The following TAF2 variants were observed in gnomAD, a reference collection of about 807,000 sequenced individuals.
The protein encoded by TAF2 is transcription initiation factor TFIID subunit 2.
TAF2 carries 61 observed loss-of-function variants against 138.5 expected under a neutral mutation model. That is an observed-to-expected ratio of 0.44 (90% CI 0.36 to 0.54). The LOEUF is 0.54. Among genes scored for constraint, TAF2 ranks in the 20% least tolerant of loss-of-function variants. The pLI is 0.00. For missense variants in TAF2, 1,090 were observed against 1,427.9 expected, an observed-to-expected ratio of 0.76 and a Z score of 3.81; for synonymous variants, 475 against 469.9, an observed-to-expected ratio of 1.01 and a Z score of -0.14.
At chr8:119,796,080 ATTT>A (rs557953047) in intron 8 of TAF2, among the ~76,000 whole-genome samples, 3 of 150,400 alleles carry the variant, frequency 2.0e-5, no homozygotes, top group Non-Finnish European at 3.0e-5. Context: ...TCCTTCATTC[ATTT>A]TTTTTTGCTT....
At chr8:119,791,189 A>G in intron 11 of TAF2, 135 bp downstream of exon 11, 2 of 961,032 alleles carry the variant, frequency 2.1e-6, no homozygotes, top group East Asian at 5.3e-5. Context: ...ATGCAAATAT[A>G]AAGCACAGGT....
intron 20 of TAF2, among the ~76,000 whole-genome samples, chr8:119,759,545 T>C (rs529158951): frequency 3.9e-5 from 6 of 152,138 alleles, no homozygotes; most frequent in Non-Finnish European, 8.8e-5. Flanking sequence ...TATTTCCATG[T>C]TTCTTCTATT....
chr8:119,807,533 C>T (rs893987004), intron 3 of TAF2, among the ~76,000 whole-genome samples: 13 of 152,218 alleles, frequency 8.5e-5, no homozygotes, highest in Non-Finnish European at 1.5e-4. Flanking sequence ...ACCACATCCT[C>T]GTTGTACACC....
chr8:119,795,458 TA>T, intron 9 of TAF2, 73 bp downstream of exon 9: 1 of 1,295,644 alleles, frequency 7.7e-7, no homozygotes. Flanking sequence ...AGCAGTATTT[TA>T]AAAGTATTTT....
Position 119,788,909 on chromosome 8 carries a change from A to T in TAF2, c.1569-5T>A. On this transcript the variant is annotated splice_polypyrimidine_tract_variant and splice_region_variant and intron_variant, in intron 12 of 25. Coordinates refer to ENST00000378164, the MANE Select transcript of TAF2 (RefSeq NM_003184.4). ...TTTACCACTCCACTCTGATCTCTGA[A>T]GAATTGTAAAGGAAAGTTTACATAC... 6.4e-7 allele frequency: 1 copy of T among 1,561,894 alleles called. No homozygotes were observed. Among genetic ancestry groups the T allele is most frequent in the Non-Finnish European group, 8.8e-7 (1 of 1,132,426 alleles).
At chr8:119,744,099 A>C (rs935777246) in intron 24 of TAF2, among the ~76,000 whole-genome samples, 189 bp downstream of exon 24, 16 of 152,250 alleles carry the variant, frequency 1.1e-4, no homozygotes, top group African/African-American at 3.6e-4. Context: ...AAAATAAAAA[A>C]GCCAAAAGAA....
At chr8:119,776,270 T>C (rs1822226082) in intron 18 of TAF2, among the ~76,000 whole-genome samples, 1 of 152,070 alleles carries the variant, frequency 6.6e-6, no homozygotes. Context: ...CTTAAATTAT[T>C]TGAATGTTAA....
At chr8:119,811,953 C>G (rs1825098220) in intron 3 of TAF2, among the ~76,000 whole-genome samples, 1 of 151,850 alleles carries the variant, frequency 6.6e-6, no homozygotes, top group Non-Finnish European at 1.5e-5. Context: ...TTTGATCCAA[C>G]TACAAATGCA....
At chr8:119,788,746 C>A (rs1823210584) in intron 13 of TAF2, 44 bp downstream of exon 13, 1 of 1,341,272 alleles carries the variant, frequency 7.5e-7, no homozygotes, top group South Asian at 1.2e-5. Context: ...TCTATTGAAA[C>A]TGAGGAGATA....
intron 25 of TAF2, among the ~76,000 whole-genome samples, chr8:119,737,653 T>C (rs1364250974): frequency 6.6e-6 from 1 of 151,636 alleles, no homozygotes; most frequent in Non-Finnish European, 1.5e-5. Flanking sequence ...GGATTACAGG[T>C]GCGTACCACC....
Position 119,781,150 on chromosome 8 carries a change from A to G in TAF2, c.2156T>C (p.Met719Thr). The change falls in exon 17 of 26, where the codon ATG (methionine) becomes ACG (threonine). Residue 719 changes from methionine (M) to threonine (T), a missense_variant. Transcript: ENST00000378164. ...MVSTWTGPPAMKSLFTRMFCC... is the reference protein window; with the variant it reads ...MVSTWTGPPATKSLFTRMFCC... ...AAACATCCTAGTGAAGAGTGACTTCATGGCTGGTGGTCCTGTCCATGTGCT... is the reference window on the plus strand; with the variant it reads ...AAACATCCTAGTGAAGAGTGACTTCGTGGCTGGTGGTCCTGTCCATGTGCT... 6.2e-7 allele frequency: 1 copy of G among 1,614,166 alleles called. No individual in the cohort carries two copies. The highest frequency in any genetic ancestry group is 8.5e-7 in the Non-Finnish European group (1 of 1,180,028).
chr8:119,791,087 T>C (rs769958141), intron 11 of TAF2, among the ~76,000 whole-genome samples: 1 of 152,156 alleles, frequency 6.6e-6, no homozygotes, highest in African/African-American at 2.4e-5. Flanking sequence ...AGGCATGAGA[T>C]ACCATGCCCA....
chr8:119,775,799 G>A (rs1404355811), intron 18 of TAF2, among the ~76,000 whole-genome samples: 1 of 152,126 alleles, frequency 6.6e-6, no homozygotes, highest in Non-Finnish European at 1.5e-5. Flanking sequence ...GGGAAATAAT[G>A]GGAAAAATAA....
chr8:119,760,453 T>A, intron 20 of TAF2, 146 bp downstream of exon 20: 2 of 887,454 alleles, frequency 2.3e-6, no homozygotes, highest in Non-Finnish European at 1.7e-6. Context: ...TCTACATTTA[T>A]CAAAGATGAT....
chr8:119,778,753 T>C (rs1489322441), intron 17 of TAF2, among the ~76,000 whole-genome samples: 3 of 152,194 alleles, frequency 2.0e-5, no homozygotes, highest in African/African-American at 7.2e-5. Flanking sequence ...AGCCTAATTT[T>C]TCTCTTTCCA....
At position 119,789,623 on chromosome 8, in the gene TAF2, T is replaced by C. The variant is rs1639086488; in HGVS notation, c.1537A>G (p.Lys513Glu). The change falls in exon 12 of 26, where the codon AAA (lysine) becomes GAA (glutamate). Residue 513 changes from lysine to glutamate, a missense_variant. By Grantham distance (56) the Lys-to-Glu change is moderately conservative (BLOSUM62 1). Around this residue, in one of 3 missense-constraint regions of TAF2, gnomAD observed 504 missense variants for 680.9 expected, o/e 0.74. Coordinates refer to ENST00000378164, the MANE Select transcript of TAF2 (RefSeq NM_003184.4). ...FLKSISNVSGKDIQPLIKQWV... is the reference protein window; with the variant it reads ...FLKSISNVSGEDIQPLIKQWV... ...TGCTTTATTAACGGCTGAATATCTTTGCCAGAGACATTTGAAATGGATTTC... is the reference window on the plus strand; with the variant it reads ...TGCTTTATTAACGGCTGAATATCTTCGCCAGAGACATTTGAAATGGATTTC... 4 of 1,613,870 alleles carry C rather than the reference T, an allele frequency of 2.5e-6. No homozygotes were observed. The highest frequency in any genetic ancestry group is 3.4e-6 in the Non-Finnish European group (4 of 1,179,936).
In TAF2 at chr8:119,797,686, G is replaced by A. The variant is rs767895370; in HGVS notation, c.953C>T (p.Ala318Val). Residue 318 changes from alanine (A) to valine (V), a missense_variant, in exon 7 of 26, where the codon GCT (alanine) becomes GTT (valine). Transcript: ENST00000378164. Reference sequence around the variant, plus strand: ...CCTAAAAATGCTCATGGAAGCATAAGCAGCCACTTCAACATAAGCCTCATC... The same window carrying A: ...CCTAAAAATGCTCATGGAAGCATAAACAGCCACTTCAACATAAGCCTCATC... ...FIDEAYVEVA[A>V]YASMSIFSTN... 6.2e-7 allele frequency: 1 copy of A among 1,613,316 alleles called. No individual in the cohort carries two copies. Among genetic ancestry groups the A allele is most frequent in the Non-Finnish European group, 8.5e-7 (1 of 1,179,672 alleles).
At chr8:119,758,008 T>A (rs1222303031) in intron 21 of TAF2, 65 bp downstream of exon 21, 15 of 1,322,406 alleles carry the variant, frequency 1.1e-5, no homozygotes, top group Non-Finnish European at 1.5e-5. Context: ...TTATGTGTAA[T>A]CTGAAATTAC....
chr8:119,829,113 C>G (rs573258712), intron 2 of TAF2, among the ~76,000 whole-genome samples: 7 of 152,282 alleles, frequency 4.6e-5, no homozygotes, highest in Admixed American at 3.9e-4. Context: ...AAAAGGTAGA[C>G]TGTTCTGATT....
Sources: allele counts gnomAD v4.1 joint callset (sites outside exome capture counted in the v4.1 genomes callset), GRCh38; gene constraint gnomAD v4.1.1; regional missense constraint gnomAD v4.1.1; transcripts MANE v1.5; gene names NCBI Gene and HGNC (gene_info 2026-07-23, HGNC 2026-07-21).